FAM124A: variants seen among roughly 807,000 people sequenced by gnomAD.
FAM124A encodes protein FAM124A.
Under a neutral mutation model 24.5 loss-of-function variants are expected in FAM124A, and 23 were observed. The ratio of observed to expected loss-of-function variants is 0.94; its 90% confidence interval spans 0.68 to 1.33. The LOEUF is 1.33. Among genes scored for constraint, FAM124A ranks in the 40% most tolerant of loss-of-function variants. FAM124A has a pLI of 0.00. For missense variants in FAM124A, 623 were observed against 722.8 expected (o/e 0.86, Z 1.58); for synonymous variants, 287 against 314.7 (o/e 0.91, Z 0.93).
chr13:51,257,897 G>T (rs1308109329), intron 3 of FAM124A, among the ~76,000 whole-genome samples: 1 of 152,128 alleles, frequency 6.6e-6, no homozygotes, highest in Non-Finnish European at 1.5e-5. Context: ...CTAAGTTTTT[G>T]TCTTGGTTTT....
chr13:51,276,037 G>A (rs1275271552), intron 3 of FAM124A, among the ~76,000 whole-genome samples: 1 of 152,204 alleles, frequency 6.6e-6, no homozygotes, highest in Non-Finnish European at 1.5e-5. Flanking sequence ...ACGAGCATGA[G>A]GTGTTTGGGA....
intron 3 of FAM124A, among the ~76,000 whole-genome samples, chr13:51,264,628 A>G (rs1295933251): frequency 2.0e-5 from 3 of 151,794 alleles, no homozygotes; most frequent in East Asian, 1.9e-4. Flanking sequence ...CAGCAAGACC[A>G]TATCTCTTTA....
chr13:51,262,515 T>G (rs867886746), intron 3 of FAM124A, among the ~76,000 whole-genome samples: 1 of 152,246 alleles, frequency 6.6e-6, no homozygotes, highest in South Asian at 2.1e-4. Flanking sequence ...AAATTTTTTC[T>G]TCTTTCTCTT....
At chr13:51,227,005 G>A (rs1363443655) in intron 1 of FAM124A, among the ~76,000 whole-genome samples, 1 of 152,132 alleles carries the variant, frequency 6.6e-6, no homozygotes, top group African/African-American at 2.4e-5. Context: ...GCTGTTCAGT[G>A]TCTAGAACCC....
intron 3 of FAM124A, among the ~76,000 whole-genome samples, chr13:51,278,898 G>A (rs555022527): frequency 6.6e-5 from 10 of 152,276 alleles, no homozygotes; most frequent in African/African-American, 1.9e-4. Flanking sequence ...ACATTTAGAC[G>A]TCCCCTGGCA....
At chr13:51,257,708 C>T (rs1231295477) in intron 3 of FAM124A, among the ~76,000 whole-genome samples, 2 of 152,168 alleles carry the variant, frequency 1.3e-5, no homozygotes, top group African/African-American at 2.4e-5. Flanking sequence ...GCAGCAAACT[C>T]ATTTCTGCCT....
chr13:51,279,571 T>G (rs761422329), intron 3 of FAM124A, among the ~76,000 whole-genome samples: 5 of 152,134 alleles, frequency 3.3e-5, no homozygotes, highest in Non-Finnish European at 5.9e-5. Context: ...AGAGAGAATC[T>G]GAGAGAAGCA....
rs1420263374 is a variant in FAM124A, at chr13:51,251,886, CTTCACCG to C, written c.521_527del (p.Phe174SerfsTer17). 2 of 1,614,070 alleles carry C rather than the reference CTTCACCG, an allele frequency of 1.2e-6. No individual in the cohort carries two copies. Among genetic ancestry groups the C allele is most frequent in the Admixed American group, 3.3e-5 (2 of 60,034 alleles). On this transcript the variant is annotated frameshift_variant, in exon 3 of 4. Coordinates refer to ENST00000322475, the MANE Select transcript of FAM124A (RefSeq NM_001242312.2). LOFTEE classifies it high-confidence loss of function. The surrounding 1 kb of genome is among the most constrained non-coding windows in gnomAD (Gnocchi z 5.3). ...TGCACTACGGCAAGGAAATCGTGCG[CTTCACCG>C]TCTACTGTCGCTACGACAACTATGC...
rs1269665663 is a variant in FAM124A at position 51,281,290 on chromosome 13, C to T, written c.*34C>T. ...TGCTCTTGTTCTCGAAACACACAAA[C>T]TCAGAGACACAGACTCAGGCCCCAC... On this transcript the variant is annotated 3_prime_UTR_variant, in exon 4 of 4. Coordinates refer to ENST00000322475, the MANE Select transcript of FAM124A (RefSeq NM_001242312.2). 2 of 1,520,518 alleles carry T rather than the reference C, an allele frequency of 1.3e-6. No individual in the cohort carries two copies. The highest frequency in any genetic ancestry group is 2.0e-5 in the Admixed American group (1 of 50,718). The allele number at this position is 1,520,518 out of a possible 1,614,324, so 94.2% of individuals were successfully genotyped here.
At chr13:51,273,046 A>G (rs1174416312) in intron 3 of FAM124A, among the ~76,000 whole-genome samples, 2 of 152,218 alleles carry the variant, frequency 1.3e-5, no homozygotes, top group South Asian at 2.1e-4. Context: ...CTCTGTTTAC[A>G]TATCAGTTTA....
rs997573344 is a variant in FAM124A at position 51,246,406 on chromosome 13, G to A, written c.101-5062G>A. Among the ~76,000 whole-genome samples the A allele has an allele frequency of 3.4e-5, 5 of 146,262 alleles. 1 individual carries two copies. Among genetic ancestry groups the A allele is most frequent in the East Asian group, 4.1e-4 (2 of 4,880 alleles). ...ACAGAGGCATGTTTCTCGTGGGGTG[G>A]GGGGGGGTGTAACTCTAACACCTGA... On this transcript the variant is annotated intron_variant, in intron 2 of 3. Coordinates refer to ENST00000322475, the MANE Select transcript of FAM124A (RefSeq NM_001242312.2).
chr13:51,224,307 A>G (rs1954294424), intron 1 of FAM124A, among the ~76,000 whole-genome samples: 1 of 152,166 alleles, frequency 6.6e-6, no homozygotes, highest in Admixed American at 6.5e-5. Context: ...CATCCCTACT[A>G]AAAAATATAC....
intron 1 of FAM124A, among the ~76,000 whole-genome samples, chr13:51,230,171 A>G (rs905903060): frequency 6.6e-6 from 1 of 152,196 alleles, no homozygotes; most frequent in Non-Finnish European, 1.5e-5. Flanking sequence ...CATTGATTCC[A>G]TGACTACTAA....
intron 3 of FAM124A, among the ~76,000 whole-genome samples, chr13:51,276,049 C>T (rs1954883488): frequency 6.6e-6 from 1 of 152,146 alleles, no homozygotes; most frequent in African/African-American, 2.4e-5. Flanking sequence ...TGTTTGGGAG[C>T]ATGGTAGTTG....
At chr13:51,229,952 T>A (rs1306361309) in intron 1 of FAM124A, among the ~76,000 whole-genome samples, 2 of 152,200 alleles carry the variant, frequency 1.3e-5, no homozygotes, top group African/African-American at 4.8e-5. Context: ...CAATCCCTTC[T>A]GCCTTCGGAG....
rs1954925220 is a variant in FAM124A at position 51,280,525 on chromosome 13, C to A, written c.910C>A (p.Pro304Thr). 1 of 1,613,986 alleles carries A rather than the reference C, an allele frequency of 6.2e-7. No homozygotes were observed. Among genetic ancestry groups the A allele is most frequent in the South Asian group, 1.1e-5 (1 of 91,072 alleles). ...HASEKKRHST[P>T]LPSTAVPSHT... ...CTCCGAGAAGAAACGTCATTCCACTCCTTTGCCGAGCACTGCTGTACCAAG... is the reference window on the plus strand; with the variant it reads ...CTCCGAGAAGAAACGTCATTCCACTACTTTGCCGAGCACTGCTGTACCAAG... The change falls in exon 4 of 4, where the codon CCT becomes ACT. Residue 304 changes from proline to threonine, a missense_variant. By Grantham distance (38) the Pro-to-Thr change is conservative (BLOSUM62 -1). Coordinates refer to ENST00000322475, the MANE Select transcript of FAM124A (RefSeq NM_001242312.2).
intron 3 of FAM124A, among the ~76,000 whole-genome samples, chr13:51,262,555 G>C (rs1185852441): frequency 2.6e-5 from 4 of 151,964 alleles, no homozygotes; most frequent in Non-Finnish European, 5.9e-5. Context: ...TGTAGGAAAA[G>C]AACAATTTGC....
intron 3 of FAM124A, among the ~76,000 whole-genome samples, chr13:51,277,384 G>T (rs1029601322): frequency 1.3e-5 from 2 of 152,164 alleles, no homozygotes; most frequent in African/African-American, 4.8e-5. Context: ...TATTGGGTGC[G>T]CTGTTCACTA....
chr13:51,227,999 G>A (rs573395125), intron 1 of FAM124A, among the ~76,000 whole-genome samples: 1 of 152,178 alleles, frequency 6.6e-6, no homozygotes, highest in Non-Finnish European at 1.5e-5. Context: ...AGACCAGATC[G>A]TTTGTTAGTA....
Sources: allele counts gnomAD v4.1 joint callset (sites outside exome capture counted in the v4.1 genomes callset), GRCh38; gene constraint gnomAD v4.1.1; non-coding constraint Gnocchi (gnomAD v3.1); transcripts MANE v1.5; gene names NCBI Gene and HGNC (gene_info 2026-07-23, HGNC 2026-07-21).